The following PCDHA7 variants were observed in gnomAD, a reference collection of about 807,000 sequenced individuals.
PCDHA7 encodes the protein protocadherin alpha-7.
In PCDHA7, 37 loss-of-function variants were observed where a neutral mutation model predicts 57.2. The ratio of observed to expected loss-of-function variants is 0.65; its 90% confidence interval spans 0.50 to 0.85. The LOEUF (loss-of-function observed/expected upper bound fraction) is 0.85, where lower values mean the gene tolerates loss of function less well. Among genes scored for constraint, PCDHA7 ranks in the 40% least tolerant of loss-of-function variants. The pLI, the probability that PCDHA7 is intolerant of heterozygous loss-of-function variation, is 0.00. For missense variants in PCDHA7, 1,188 were observed against 1,241.8 expected (o/e 0.96, Z 0.65); for synonymous variants, 553 against 558.8 (o/e 0.99, Z 0.15).
intron 1 of PCDHA7, chr5:140,857,735 G>T (rs782288464): frequency 6.3e-7 from 1 of 1,597,334 alleles, no homozygotes; most frequent in Non-Finnish European, 8.6e-7. Flanking sequence ...CAACGCTCCC[G>T]CGCTGCTGGC....
chr5:140,965,676 G>A (rs906070464), intron 1 of PCDHA7, among the ~76,000 whole-genome samples: 1 of 152,132 alleles, frequency 6.6e-6, no homozygotes, highest in African/African-American at 2.4e-5. Flanking sequence ...AAATGTAAAA[G>A]ATTTGAAGCA....
intron 1 of PCDHA7, among the ~76,000 whole-genome samples, chr5:140,881,901 T>C (rs1455904146): frequency 6.6e-6 from 1 of 152,208 alleles, no homozygotes; most frequent in Non-Finnish European, 1.5e-5. Context: ...TGTCAGCTAA[T>C]ATAAAATGTT....
chr5:140,858,198 C>G, intron 1 of PCDHA7: 1 of 1,597,410 alleles, frequency 6.3e-7, no homozygotes, highest in Admixed American at 1.7e-5. Flanking sequence ...CTGCTGTACA[C>G]TGCACTGAGG....
At chr5:140,898,900 C>T (rs1257410263) in intron 1 of PCDHA7, among the ~76,000 whole-genome samples, 2 of 151,396 alleles carry the variant, frequency 1.3e-5, no homozygotes, top group Non-Finnish European at 3.0e-5. Context: ...TGAAGAGGTC[C>T]TTCACGTCCC....
chr5:140,968,511 C>T, intron 1 of PCDHA7: 2 of 1,614,198 alleles, frequency 1.2e-6, no homozygotes, highest in Non-Finnish European at 1.7e-6. Context: ...ATTCTGTACC[C>T]TACCTCAACC....
intron 1 of PCDHA7, among the ~76,000 whole-genome samples, chr5:140,886,827 G>GAA (rs782016620): frequency 3.1e-4 from 19 of 60,896 alleles, no homozygotes; most frequent in South Asian, 5.9e-4. Context: ...ACTTCGTCTT[G>GAA]AAAAAAAAAA....
intron 1 of PCDHA7, among the ~76,000 whole-genome samples, chr5:140,908,585 G>A (rs782742805): frequency 3.9e-5 from 6 of 152,160 alleles, no homozygotes; most frequent in South Asian, 4.1e-4. Flanking sequence ...AGAGTAGTTA[G>A]CTGCAGAAGA....
At chr5:140,933,480 G>C (rs1255769578) in intron 1 of PCDHA7, among the ~76,000 whole-genome samples, 1 of 151,846 alleles carries the variant, frequency 6.6e-6, no homozygotes, top group South Asian at 2.1e-4. Flanking sequence ...ACACATTATG[G>C]TTATTCTTTA....
At chr5:140,869,908 C>T (rs189065461) in intron 1 of PCDHA7, 51 of 1,610,528 alleles carry the variant, frequency 3.2e-5, no homozygotes, top group African/African-American at 2.4e-4. Flanking sequence ...CGCCACAGAC[C>T]GAGACGAAGG....
At chr5:140,915,531 T>C (rs1258680816) in intron 1 of PCDHA7, among the ~76,000 whole-genome samples, 1 of 152,150 alleles carries the variant, frequency 6.6e-6, no homozygotes, top group Non-Finnish European at 1.5e-5. Context: ...AGGTACCATC[T>C]TGGAGGTCTT....
intron 1 of PCDHA7, among the ~76,000 whole-genome samples, chr5:140,948,369 TG>T (rs1209104577): frequency 7.9e-5 from 12 of 151,580 alleles, no homozygotes; most frequent in Non-Finnish European, 3.0e-5. Context: ...ACTTAGGAGG[TG>T]TTCCTTCCTC....
chr5:140,884,042 G>A (rs1554181105), intron 1 of PCDHA7: 4 of 1,613,464 alleles, frequency 2.5e-6, no homozygotes, highest in Non-Finnish European at 3.4e-6. Flanking sequence ...CCACGTGGTG[G>A]CGAAGGTGCG....
chr5:140,865,725 A>T (rs1326307411), intron 1 of PCDHA7: 1 of 152,210 alleles, frequency 6.6e-6, no homozygotes, highest in Non-Finnish European at 1.5e-5. Context: ...AGAAGCTGAG[A>T]TGTGTATCTA....
intron 1 of PCDHA7, among the ~76,000 whole-genome samples, chr5:140,947,396 A>G (rs113635864): frequency 6.6e-6 from 1 of 151,710 alleles, no homozygotes; most frequent in Non-Finnish European, 1.5e-5. Flanking sequence ...CACTAAAAGT[A>G]GACTGTCTTG....
At chr5:140,969,064 C>T (rs2096292525) in intron 1 of PCDHA7, 1 of 1,614,136 alleles carries the variant, frequency 6.2e-7, no homozygotes, top group Non-Finnish European at 8.5e-7. Context: ...ATATTGATGC[C>T]AGGATACCGC....
intron 1 of PCDHA7, chr5:140,876,694 G>A (rs1196941664): frequency 6.2e-7 from 1 of 1,614,142 alleles, no homozygotes; most frequent in African/African-American, 1.3e-5. Flanking sequence ...CTACTCGTTG[G>A]TGCTGGACAG....
intron 1 of PCDHA7, among the ~76,000 whole-genome samples, chr5:140,950,208 C>G (rs1377059178): frequency 1.3e-5 from 2 of 151,900 alleles, no homozygotes; most frequent in Non-Finnish European, 2.9e-5. Context: ...TTCTGTTTAC[C>G]TAGTCATTTA....
At chr5:140,850,270 G>A (rs782505254) in intron 1 of PCDHA7, 1 of 1,594,948 alleles carries the variant, frequency 6.3e-7, no homozygotes, top group African/African-American at 1.3e-5. Flanking sequence ...GTAGTGGTGG[G>A]GAAGGTGCGC....
intron 1 of PCDHA7, chr5:140,878,024 G>A (rs2057444305): frequency 7.9e-6 from 6 of 757,742 alleles, no homozygotes; most frequent in South Asian, 2.8e-5. Context: ...AAGGAAATAT[G>A]TAGGTACAAT....
Sources: allele counts gnomAD v4.1 joint callset (sites outside exome capture counted in the v4.1 genomes callset), GRCh38; gene constraint gnomAD v4.1.1; transcripts MANE v1.5; gene names NCBI Gene and HGNC (gene_info 2026-07-23, HGNC 2026-07-21).